Variants in CABLES1 observed in about 807,000 individuals in gnomAD.
The protein encoded by CABLES1 is Cdk5 and Abl enzyme substrate 1.
Under a neutral mutation model 57.8 loss-of-function variants are expected in CABLES1, and 36 were observed. That is an observed-to-expected ratio of 0.62 (90% CI 0.48 to 0.82). The LOEUF (loss-of-function observed/expected upper bound fraction) is 0.82, where lower values mean the gene tolerates loss of function less well. Among genes scored for constraint, CABLES1 ranks in the 40% least tolerant of loss-of-function variants. The pLI, the probability that CABLES1 is intolerant of heterozygous loss-of-function variation, is 0.00. For missense variants in CABLES1, 767 were observed against 836.6 expected (o/e 0.92, Z 1.03); for synonymous variants, 374 against 363.0 (o/e 1.03, Z -0.35).
intron 4 of CABLES1, among the ~76,000 whole-genome samples, chr18:23,228,057 C>T (rs1221929406): frequency 6.6e-6 from 1 of 152,156 alleles, no homozygotes; most frequent in Non-Finnish European, 1.5e-5. Context: ...TTAATTGGAT[C>T]ACACTTTTTC....
chr18:23,206,305 C>T (rs545881948), intron 3 of CABLES1, among the ~76,000 whole-genome samples: 1 of 152,232 alleles, frequency 6.6e-6, no homozygotes, highest in Non-Finnish European at 1.5e-5. Context: ...GGCCTTTCTC[C>T]AGCCAGCCTC....
At chr18:23,179,527 G>C (rs2047149048) in intron 1 of CABLES1, among the ~76,000 whole-genome samples, 1 of 152,220 alleles carries the variant, frequency 6.6e-6, no homozygotes, top group Non-Finnish European at 1.5e-5. Context: ...AGTGCTCAGA[G>C]GTATGGATGG....
chr18:23,152,193 G>A (rs2046935194), intron 1 of CABLES1, among the ~76,000 whole-genome samples: 1 of 152,142 alleles, frequency 6.6e-6, no homozygotes, highest in African/African-American at 2.4e-5. Context: ...GAGCCCAGGA[G>A]TCCAGCCTGG....
chr18:23,224,725 C>T (rs1016911200), intron 4 of CABLES1, among the ~76,000 whole-genome samples: 1 of 151,844 alleles, frequency 6.6e-6, no homozygotes, highest in Non-Finnish European at 1.5e-5. Context: ...CCCGCCACTA[C>T]ACCCGGCTAA....
chr18:23,157,824 AAAAAT>A (rs1051990027), intron 1 of CABLES1, among the ~76,000 whole-genome samples: 63 of 152,194 alleles, frequency 4.1e-4, no homozygotes, highest in South Asian at 1.7e-3. Context: ...CCCTGTCTAA[AAAAAT>A]AAAATAAAAT....
chr18:23,246,611 TC>T (rs1432789559), intron 7 of CABLES1, among the ~76,000 whole-genome samples: 1 of 151,844 alleles, frequency 6.6e-6, no homozygotes, highest in Non-Finnish European at 1.5e-5. Flanking sequence ...CAGGATGGTC[TC>T]GATCTCCTGA....
At chr18:23,155,302 G>A (rs1038020835) in intron 1 of CABLES1, among the ~76,000 whole-genome samples, 17 of 152,168 alleles carry the variant, frequency 1.1e-4, no homozygotes, top group African/African-American at 4.1e-4. Context: ...GTCACAAATT[G>A]GTACCAGATG....
At chr18:23,154,298 C>G (rs868180129) in intron 1 of CABLES1, among the ~76,000 whole-genome samples, 7 of 152,254 alleles carry the variant, frequency 4.6e-5, no homozygotes, top group Middle Eastern at 6.8e-3. Flanking sequence ...TGTTCTTGCT[C>G]GGCAAGTCAA....
chr18:23,224,041 G>A lies in CABLES1; in HGVS notation c.1088+9987G>A, dbSNP rs552771282. ...TAATGCCAGACCAAAAATGAGTTCC[G>A]TAGTAAGGAGCACTCTTCAGCTCAA... On this transcript the variant is annotated intron_variant, in intron 4 of 9. Coordinates refer to ENST00000256925, the MANE Select transcript of CABLES1 (RefSeq NM_001100619.3). Among the ~76,000 whole-genome samples the A allele has an allele frequency of 9.2e-5, 14 of 151,582 alleles. No homozygotes were observed. In the South Asian group the frequency reaches 1.7e-3, roughly 18 times the overall value.
chr18:23,196,955 G>A (rs1255112910), intron 3 of CABLES1: 1 of 152,374 alleles, frequency 6.6e-6, no homozygotes, highest in South Asian at 2.1e-4. Flanking sequence ...CTGGCATGGA[G>A]GCTCCCGCGT....
At chr18:23,186,673 C>T (rs752754934) in intron 1 of CABLES1, among the ~76,000 whole-genome samples, 3 of 152,128 alleles carry the variant, frequency 2.0e-5, no homozygotes, top group Non-Finnish European at 4.4e-5. Context: ...CCACCCACCT[C>T]GGCCTCCCAA....
chr18:23,187,630 G>C (rs988461902), intron 1 of CABLES1, among the ~76,000 whole-genome samples: 38 of 152,224 alleles, frequency 2.5e-4, no homozygotes, highest in African/African-American at 8.4e-4. Context: ...CAGGTGATCA[G>C]CCTGCCTCGG....
intron 4 of CABLES1, among the ~76,000 whole-genome samples, chr18:23,229,197 G>C (rs1008339768): frequency 6.6e-6 from 1 of 152,208 alleles, no homozygotes; most frequent in Non-Finnish European, 1.5e-5. Flanking sequence ...CGGATCAACT[G>C]AGTTCAGGGG....
intron 4 of CABLES1, among the ~76,000 whole-genome samples, chr18:23,227,256 C>T (rs187636029): frequency 1.3e-5 from 2 of 152,252 alleles, no homozygotes; most frequent in Non-Finnish European, 2.9e-5. Flanking sequence ...TTCCTCCCCA[C>T]CCACTTTCCC....
At chr18:23,186,722 G>C (rs758876317) in intron 1 of CABLES1, among the ~76,000 whole-genome samples, 3 of 152,026 alleles carry the variant, frequency 2.0e-5, no homozygotes, top group Non-Finnish European at 2.9e-5. Flanking sequence ...ATGCCCAGCC[G>C]GATTAAGGAG....
At chr18:23,223,350 C>T (rs369071143) in intron 4 of CABLES1, among the ~76,000 whole-genome samples, 24 of 152,100 alleles carry the variant, frequency 1.6e-4, no homozygotes, top group East Asian at 7.7e-4. Context: ...GAGGCCGAGG[C>T]GGGCGAATCA....
intron 4 of CABLES1, chr18:23,214,625 C>T (rs2047428798): frequency 6.6e-6 from 1 of 152,458 alleles, no homozygotes; most frequent in Non-Finnish European, 1.5e-5. Context: ...CTTGCAAAGC[C>T]TCCGCTCTTC....
At chr18:23,219,212 T>C (rs1299115320) in intron 4 of CABLES1, 1 of 453,984 alleles carries the variant, frequency 2.2e-6, no homozygotes, top group Non-Finnish European at 4.4e-6. Flanking sequence ...AATGTCTCTC[T>C]GTGTGTGGAG....
chr18:23,174,091 T>C (rs1406854017), intron 1 of CABLES1, among the ~76,000 whole-genome samples: 1 of 152,216 alleles, frequency 6.6e-6, no homozygotes, highest in Admixed American at 6.5e-5. Context: ...CCATGGTTAT[T>C]AGCAGTCTCT....
Sources: allele counts gnomAD v4.1 joint callset (sites outside exome capture counted in the v4.1 genomes callset), GRCh38; gene constraint gnomAD v4.1.1; transcripts MANE v1.5; gene names NCBI Gene and HGNC (gene_info 2026-07-23, HGNC 2026-07-21).